RTL4: variants seen among roughly 807,000 people sequenced by gnomAD.
RTL4 encodes the protein retrotransposon Gag like 4.
Under a neutral mutation model 5.3 loss-of-function variants are expected in RTL4, and 4 were observed. The observed-to-expected ratio is 0.75, with a 90% confidence interval of 0.37 to 1.72. RTL4 has a LOEUF of 1.72. Ranked by LOEUF, RTL4 falls within the 40% of genes most tolerant of loss-of-function variation. The pLI is 0.04. For missense variants in RTL4, 260 were observed against 227.1 expected, an observed-to-expected ratio of 1.14 and a Z score of -0.93; for synonymous variants, 98 against 87.3, an observed-to-expected ratio of 1.12 and a Z score of -0.68.
the RTL4 span, among the ~76,000 whole-genome samples, chrX:112,260,812 A>G: frequency 2.7e-5 from 3 of 111,441 alleles, no homozygotes; most frequent in Non-Finnish European, 5.7e-5. Context: ...ATTCTCAGAC[A>G]TTTCTCTTTT....
At chrX:112,115,853 C>T in the RTL4 span, among the ~76,000 whole-genome samples, 1 of 112,354 alleles carries the variant, frequency 8.9e-6, no homozygotes, top group South Asian at 3.7e-4. Flanking sequence ...GGCATTAGGA[C>T]CCAGGAGCCA....
chrX:112,129,153 T>C, the RTL4 span, among the ~76,000 whole-genome samples: 95 of 112,118 alleles, frequency 8.5e-4, 1 homozygote, highest in African/African-American at 3.1e-3. Context: ...CTTTACACTT[T>C]ACACCCATAA....
At chrX:112,253,820 C>T in the RTL4 span, among the ~76,000 whole-genome samples, 11 of 112,156 alleles carry the variant, frequency 9.8e-5, no homozygotes, top group Non-Finnish European at 2.1e-4. Flanking sequence ...ACGCCTCTAC[C>T]CTTGATATCT....
chrX:112,438,858 T>C, the RTL4 span, among the ~76,000 whole-genome samples: 9 of 112,204 alleles, frequency 8.0e-5, no homozygotes, highest in African/African-American at 2.3e-4. Context: ...CTAAGCTGAA[T>C]TGAGAGCTTG....
chrX:112,269,374 G>A, the RTL4 span, among the ~76,000 whole-genome samples: 1 of 111,021 alleles, frequency 9.0e-6, no homozygotes, highest in Non-Finnish European at 1.9e-5. Flanking sequence ...AAAACTGAAG[G>A]CAATGATTTA....
chrX:112,226,969 A>T, the RTL4 span, among the ~76,000 whole-genome samples: 11 of 48,361 alleles, frequency 2.3e-4, no homozygotes, highest in Admixed American at 7.6e-4. Context: ...AATAAAATAA[A>T]ATAATAAAAT....
the RTL4 span, among the ~76,000 whole-genome samples, chrX:112,201,973 TTG>T: frequency 0.035 from 3,574 of 103,116 alleles, 82 homozygotes; most frequent in African/African-American, 0.075. Flanking sequence ...TTGTGTGTGT[TTG>T]TGTGTGTGTG....
chrX:112,109,576 T>C, the RTL4 span, among the ~76,000 whole-genome samples: 38 of 111,960 alleles, frequency 3.4e-4, no homozygotes, highest in Non-Finnish European at 6.6e-4. Flanking sequence ...AGAGTGCTGA[T>C]TGGTGCTTTT....
the RTL4 span, among the ~76,000 whole-genome samples, chrX:112,183,675 G>A: frequency 8.9e-6 from 1 of 111,877 alleles, no homozygotes; most frequent in Admixed American, 9.5e-5. Flanking sequence ...AGTTCTTAGA[G>A]ACCTACCAAG....
the RTL4 span, among the ~76,000 whole-genome samples, chrX:112,375,073 C>A: frequency 6.5e-3 from 726 of 111,612 alleles, 4 homozygotes; most frequent in African/African-American, 0.022. Context: ...CAAAGCCAGG[C>A]CAGGTGTGAG....
the RTL4 span, among the ~76,000 whole-genome samples, chrX:112,297,364 G>T: frequency 9.0e-6 from 1 of 111,511 alleles, no homozygotes; most frequent in Non-Finnish European, 1.9e-5. Context: ...AACATGACTG[G>T]GGAGGCCTCA....
At chrX:112,268,655 T>C in the RTL4 span, among the ~76,000 whole-genome samples, 1 of 111,646 alleles carries the variant, frequency 9.0e-6, no homozygotes, top group Non-Finnish European at 1.9e-5. Flanking sequence ...AGGTGTTTTT[T>C]TCTTCACACA....
At chrX:112,170,109 T>C in the RTL4 span, among the ~76,000 whole-genome samples, 3 of 112,130 alleles carry the variant, frequency 2.7e-5, no homozygotes, top group Non-Finnish European at 5.6e-5. Context: ...TTCTATTCCA[T>C]TGGTCTTTGT....
chrX:112,278,696 T>C, the RTL4 span, among the ~76,000 whole-genome samples: 1 of 111,089 alleles, frequency 9.0e-6, no homozygotes, highest in Non-Finnish European at 1.9e-5. Context: ...GGCCTATATA[T>C]GAGCAGAGAA....
the RTL4 span, among the ~76,000 whole-genome samples, chrX:112,100,143 G>A: frequency 6.3e-5 from 7 of 111,684 alleles, no homozygotes; most frequent in South Asian, 3.7e-4. Context: ...ACAAGAGTGC[G>A]AAATGTTCCA....
chrX:112,235,422 A>T, the RTL4 span, among the ~76,000 whole-genome samples: 1 of 111,245 alleles, frequency 9.0e-6, no homozygotes, highest in Non-Finnish European at 1.9e-5. Context: ...GCTTTATAAT[A>T]GCCATGTTCC....
chrX:112,196,550 T>A, the RTL4 span, among the ~76,000 whole-genome samples: 7 of 111,983 alleles, frequency 6.3e-5, no homozygotes, highest in South Asian at 2.2e-3. Context: ...AGTTTTTTTT[T>A]AAATAGCTAA....
the RTL4 span, among the ~76,000 whole-genome samples, chrX:112,236,804 T>C: frequency 3.2e-3 from 360 of 110,851 alleles, 1 homozygote; most frequent in African/African-American, 0.011. Context: ...CCTGTGAATA[T>C]GTTACCTTAC....
chrX:112,350,116 G>A, the RTL4 span, among the ~76,000 whole-genome samples: 1 of 111,614 alleles, frequency 9.0e-6, no homozygotes, highest in African/African-American at 3.3e-5. Context: ...CATCTATTGA[G>A]ATAATCATGT....
Sources: gnomAD v4.1 joint callset for allele counts (sites outside exome capture counted in the v4.1 genomes callset) on GRCh38, gnomAD v4.1.1 for gene constraint, MANE v1.5 for transcripts, NCBI Gene and HGNC (gene_info 2026-07-23, HGNC 2026-07-21) for gene names.